GRM4: variants seen among roughly 807,000 people sequenced by gnomAD.
GRM4 encodes metabotropic glutamate receptor 4.
A neutral mutation model predicts 81.7 loss-of-function variants in GRM4; 28 were observed. The ratio of observed to expected loss-of-function variants is 0.34; its 90% CI spans 0.25 to 0.47. GRM4 has a LOEUF of 0.47. Ranked by LOEUF, GRM4 falls within the 20% of genes least tolerant of loss-of-function variation. The pLI, the probability that GRM4 is intolerant of heterozygous loss-of-function variation, is 1.00. For missense variants in GRM4, 948 were observed against 1,290.0 expected, an observed-to-expected ratio of 0.73 and a Z score of 4.06; for synonymous variants, 488 against 528.8, an observed-to-expected ratio of 0.92 and a Z score of 1.06.
chr6:34,122,251 C>T (rs1378175159), intron 2 of GRM4, among the ~76,000 whole-genome samples: 1 of 151,988 alleles, frequency 6.6e-6, no homozygotes, highest in Non-Finnish European at 1.5e-5. Flanking sequence ...CAACAGGCAC[C>T]AGGGGGAAGA....
chr6:34,128,433 C>A (rs186608033), intron 2 of GRM4, among the ~76,000 whole-genome samples: 1 of 146,954 alleles, frequency 6.8e-6, no homozygotes, highest in Non-Finnish European at 1.5e-5. Context: ...GGCTGGGATG[C>A]AATGGTAGGA....
At position 34,104,584 on chromosome 6, in the gene GRM4, C is replaced by T. The variant is rs761753208; in HGVS notation, c.520-12485G>A. ...ATTTGAACCCAGGTCTGTCTGGCCC[C>T]AGCCCCTAAGCACTCTCACCCCCTG... On this transcript the variant is annotated intron_variant, in intron 2 of 10. Coordinates refer to ENST00000538487, the MANE Select transcript of GRM4 (RefSeq NM_000841.4). 4.8e-4 allele frequency among the ~76,000 whole-genome samples: 73 copies of T among 152,168 alleles called. 1 individual carries two copies. The highest frequency in any genetic ancestry group is 1.6e-4 in the Non-Finnish European group (11 of 68,012).
At chr6:34,112,820 CCT>C (rs1769441373) in intron 2 of GRM4, among the ~76,000 whole-genome samples, 1 of 152,206 alleles carries the variant, frequency 6.6e-6, no homozygotes, top group Non-Finnish European at 1.5e-5. Context: ...CCTCACTGCA[CCT>C]CTCGGCCAGG....
intron 3 of GRM4, among the ~76,000 whole-genome samples, chr6:34,066,169 C>T (rs1318192006): frequency 6.6e-6 from 1 of 152,184 alleles, no homozygotes; most frequent in Non-Finnish European, 1.5e-5. Flanking sequence ...CCGGCTGCCT[C>T]CAAGCCAGTG....
In GRM4 at chr6:34,130,054, G is replaced by C. The variant is rs936737574; in HGVS notation, c.519+2924C>G. Among the ~76,000 whole-genome samples, 1 of 152,126 alleles carries C rather than the reference G, an allele frequency of 6.6e-6. No homozygotes were observed. The highest frequency in any genetic ancestry group is 1.5e-5 in the Non-Finnish European group (1 of 68,012). ...TTGAAATGGACACCTGGTGGTGGGC[G>C]CAGGTCCCCTCCCCCAAGGCATCCC... On this transcript the variant is annotated intron_variant, in intron 2 of 10. Coordinates refer to ENST00000538487, the MANE Select transcript of GRM4 (RefSeq NM_000841.4). The surrounding 1 kb of genome is among the most constrained non-coding windows in gnomAD (Gnocchi z 4.1).
intron 3 of GRM4, among the ~76,000 whole-genome samples, chr6:34,081,733 TGAATGTGAGACAAG>T (rs150723856): frequency 0.051 from 7,697 of 151,724 alleles, 203 homozygotes; most frequent in Middle Eastern, 0.072. Context: ...CGCTGGGTGG[TGAATGTGAGACAAG>T]GAAGGAAACG....
chr6:34,094,093 T>C (rs769896725), intron 2 of GRM4, among the ~76,000 whole-genome samples: 2 of 152,202 alleles, frequency 1.3e-5, no homozygotes, highest in Non-Finnish European at 1.5e-5. Context: ...TTCCAGGCAC[T>C]GCTCTGGGTG....
At chr6:34,116,466 C>T (rs1005052873) in intron 2 of GRM4, among the ~76,000 whole-genome samples, 1 of 152,174 alleles carries the variant, frequency 6.6e-6, no homozygotes, top group Non-Finnish European at 1.5e-5. Context: ...CCTGGTAGAG[C>T]TGACACCCCA....
chr6:34,111,790 G>A lies in GRM4; in HGVS notation c.520-19691C>T, dbSNP rs892442132. Among the ~76,000 whole-genome samples, 14 of 152,208 alleles carry A rather than the reference G, an allele frequency of 9.2e-5. No homozygotes were observed. Among genetic ancestry groups the A allele is most frequent in the African/African-American group, 2.4e-4 (10 of 41,456 alleles). On this transcript the variant is annotated intron_variant, in intron 2 of 10. Coordinates refer to ENST00000538487, the MANE Select transcript of GRM4 (RefSeq NM_000841.4). This position sits in a 1 kb window ranked among gnomAD's most constrained non-coding sequence, Gnocchi z 5.1. Reference sequence around the variant, plus strand: ...TGGGGATGCCCAGAGGCTGCCCCCCGGGACACCATGGGCTGATGTTGGCAG... The same window carrying A: ...TGGGGATGCCCAGAGGCTGCCCCCCAGGACACCATGGGCTGATGTTGGCAG...
intron 2 of GRM4, among the ~76,000 whole-genome samples, chr6:34,110,458 A>G (rs1206326704): frequency 1.8e-5 from 2 of 112,132 alleles, no homozygotes. Flanking sequence ...ACTGGCCTCC[A>G]CCGAGCACCC....
rs747529717 is a variant in GRM4, at chr6:34,044,239, TACAC to T, written c.1169-3495_1169-3492del. ...ATACACATATATACAGACACACACA[TACAC>T]ACACAGAGACATACATACATACACA... On this transcript the variant is annotated intron_variant, in intron 6 of 10. Transcript: ENST00000538487. Among the ~76,000 whole-genome samples the T allele has an allele frequency of 2.3e-4, 30 of 131,138 alleles. 1 individual carries two copies. Among genetic ancestry groups the T allele is most frequent in the African/African-American group, 7.8e-4 (26 of 33,324 alleles). The allele number at this position is 131,138 out of a possible 152,430, so 86.0% of individuals were successfully genotyped here. A position where few individuals can be genotyped will look rare whatever the true frequency, so the allele number is the denominator to read the frequency against.
At chr6:34,097,457 G>T (rs373645900) in intron 2 of GRM4, among the ~76,000 whole-genome samples, 19 of 140,130 alleles carry the variant, frequency 1.4e-4, no homozygotes, top group Middle Eastern at 7.3e-3. Flanking sequence ...GTGTGCGCGC[G>T]CATGTGTGTA....
rs376653077 is a variant in GRM4, at chr6:34,118,577, G to A, written c.519+14401C>T. Among the ~76,000 whole-genome samples, 6 of 152,232 alleles carry A rather than the reference G, an allele frequency of 3.9e-5. No individual in the cohort carries two copies. In the East Asian group the frequency reaches 1.2e-3, roughly 29 times the overall value. On this transcript the variant is annotated intron_variant, in intron 2 of 10. Transcript: ENST00000538487. The stretch of plus-strand genomic sequence containing the variant: ...GACTCTTGTGTGGAATGATCAAGAA[G>A]TGACTGTGAAAGCCTGTAAATTGTG...
At chr6:34,147,281 G>A (rs1438985246), upstream of GRM4, among the ~76,000 whole-genome samples, 1 of 152,130 alleles carries the variant, frequency 6.6e-6, no homozygotes, top group Non-Finnish European at 1.5e-5. Flanking sequence ...ACGACTGAAC[G>A]CAGTTCTGCC....
rs144604713 is a variant in GRM4, at chr6:34,026,801, G to A, written c.2689+1319C>T. 6.0e-3 allele frequency among the ~76,000 whole-genome samples: 910 copies of A among 152,268 alleles called. 6 individuals carry two copies. Among genetic ancestry groups the A allele is most frequent in the African/African-American group, 0.02 (851 of 41,544 alleles). On this transcript the variant is annotated intron_variant, in intron 10 of 10. Transcript: ENST00000538487. ...CCTTTGGGGCCAGGGTGTCACCTCC[G>A]GGAGGGGCTAATACCCCCTAGCTCT... is the stretch of plus-strand genomic sequence containing the variant.
In GRM4 at chr6:34,095,615, A is replaced by G. The variant is rs548982081; in HGVS notation, c.520-3516T>C. 5.8e-4 allele frequency among the ~76,000 whole-genome samples: 89 copies of G among 152,288 alleles called. 1 individual carries two copies. The Middle Eastern group carries it at 0.01, about 17-fold the overall frequency. The stretch of plus-strand genomic sequence containing the variant: ...AGCACTAAGGGTCAGCTCTTAGGGG[A>G]GCTGCCATTCCTCCCGCTAAACCTC... On this transcript the variant is annotated intron_variant, in intron 2 of 10. Transcript: ENST00000538487.
Position 34,074,932 on chromosome 6 carries a change from G to A in GRM4, c.737-12904C>T, listed in dbSNP as rs1581660040. 6.6e-6 allele frequency among the ~76,000 whole-genome samples: 1 copy of A among 151,984 alleles called. No homozygotes were observed. The highest frequency in any genetic ancestry group is 2.1e-4 in the South Asian group (1 of 4,820). ...CTACTGTCCCCCACCCTCAGTGGCT[G>A]TACCCAGCATTCACTGATGAGGGAA... On this transcript the variant is annotated intron_variant, in intron 3 of 10. Transcript: ENST00000538487. The surrounding 1 kb of genome is among the most constrained non-coding windows in gnomAD (Gnocchi z 4.9).
chr6:34,155,281 T>C (rs1371339894), exon 1 of GRM4: 9 of 1,532,604 alleles, frequency 5.9e-6, no homozygotes, highest in Non-Finnish European at 6.1e-6. Flanking sequence ...GTTTCCTTGG[T>C]GGGAGGAAGG....
Position 34,043,578 on chromosome 6 carries a change from T to C in GRM4, c.1169-2830A>G, listed in dbSNP as rs150172350. 2.4e-4 allele frequency among the ~76,000 whole-genome samples: 36 copies of C among 152,212 alleles called. No individual in the cohort carries two copies. The East Asian group carries it at 6.6e-3, about 28-fold the overall frequency. On this transcript the variant is annotated intron_variant, in intron 6 of 10. Transcript: ENST00000538487. ...ACGGCCGCTGCAGAGAGAAGGCAGC[T>C]CTCTCTCAAGGCCAAGGACGCACCC...
Sources: allele counts gnomAD v4.1 joint callset (sites outside exome capture counted in the v4.1 genomes callset), GRCh38; gene constraint gnomAD v4.1.1; non-coding constraint Gnocchi (gnomAD v3.1); transcripts MANE v1.5; gene names NCBI Gene and HGNC (gene_info 2026-07-23, HGNC 2026-07-21).